OPHN1: variants seen among roughly 807,000 people sequenced by gnomAD.
The protein encoded by OPHN1 is oligophrenin-1.
Under a neutral mutation model 60.7 loss-of-function variants are expected in OPHN1, and 11 were observed. That is an observed-to-expected ratio of 0.18 (90% CI 0.11 to 0.30). OPHN1 has a LOEUF of 0.30. OPHN1 is among the 10% of genes least tolerant of loss of function. OPHN1 has a pLI of 1.00. For missense variants in OPHN1, 449 were observed against 611.0 expected (o/e 0.73, Z 2.80); for synonymous variants, 226 against 222.6 (o/e 1.02, Z -0.14).
chrX:68,141,491 G>C (rs769501461), intron 15 of OPHN1, among the ~76,000 whole-genome samples: 43 of 111,454 alleles, frequency 3.9e-4, no homozygotes, highest in African/African-American at 1.3e-3. Context: ...GTTCACTTAG[G>C]CAGGCCCTTC....
intron 3 of OPHN1, among the ~76,000 whole-genome samples, chrX:68,288,544 C>T (rs767090038): frequency 9.0e-6 from 1 of 111,538 alleles, no homozygotes; most frequent in Non-Finnish European, 1.9e-5. Flanking sequence ...GGATGGATCA[C>T]CTGAGGTCAG....
chrX:68,053,833 G>A, intron 21 of OPHN1, 23 bp from the exon 22 acceptor site: 1 of 1,202,867 alleles, frequency 8.3e-7, no homozygotes, highest in South Asian at 1.8e-5. Flanking sequence ...ATGATACCAG[G>A]AACTTGGATG....
chrX:68,339,788 T>C (rs1173468547), intron 2 of OPHN1, among the ~76,000 whole-genome samples: 2 of 110,524 alleles, frequency 1.8e-5, no homozygotes, highest in Non-Finnish European at 3.8e-5. Context: ...TTTTTAATAG[T>C]GACAGGGTTT....
chrX:68,377,513 G>A (rs2078566406), intron 2 of OPHN1, among the ~76,000 whole-genome samples: 1 of 106,544 alleles, frequency 9.4e-6, no homozygotes, highest in Admixed American at 1.0e-4. Context: ...CATGTGCCAC[G>A]CTGGTGTGCT....
chrX:68,065,436 G>A (rs1369393688), intron 20 of OPHN1, among the ~76,000 whole-genome samples: 2 of 111,946 alleles, frequency 1.8e-5, no homozygotes, highest in African/African-American at 6.5e-5. Context: ...GGGGGAACGG[G>A]TAGGGGTATA....
At chrX:68,290,720 T>C (rs1317832285) in intron 3 of OPHN1, among the ~76,000 whole-genome samples, 1 of 108,985 alleles carries the variant, frequency 9.2e-6, no homozygotes, top group Non-Finnish European at 1.9e-5. Flanking sequence ...AAGGCTGCAG[T>C]GAGCCACAGT....
At position 68,210,799 on chromosome X, in the gene OPHN1, T is replaced by C. The variant is rs758230660; in HGVS notation, c.703-517A>G. Among the ~76,000 whole-genome samples the C allele has an allele frequency of 6.2e-5, 7 of 112,153 alleles. No individual in the cohort carries two copies. The South Asian group carries it at 2.6e-3, about 41-fold the overall frequency. Reference sequence around the variant, plus strand: ...CATACTCACAAATACCAAAACCTAATGATGAGAATAAATCTATTTAAATCT... The same window carrying C: ...CATACTCACAAATACCAAAACCTAACGATGAGAATAAATCTATTTAAATCT... On this transcript the variant is annotated intron_variant, in intron 8 of 24. Transcript: ENST00000355520.
chrX:68,107,379 G>A (rs1369022191), intron 18 of OPHN1, among the ~76,000 whole-genome samples: 1 of 111,485 alleles, frequency 9.0e-6, no homozygotes, highest in East Asian at 2.8e-4. Flanking sequence ...CAAATACTGT[G>A]TGTTTTTCTA....
intron 5 of OPHN1, among the ~76,000 whole-genome samples, chrX:68,258,722 T>C (rs1262932099): frequency 1.8e-5 from 2 of 110,420 alleles, no homozygotes; most frequent in Non-Finnish European, 3.8e-5. Flanking sequence ...CCAGATTGCT[T>C]GAGCAAAGGG....
intron 2 of OPHN1, among the ~76,000 whole-genome samples, chrX:68,305,049 C>T (rs1203019079): frequency 2.7e-5 from 3 of 110,288 alleles, no homozygotes; most frequent in African/African-American, 9.9e-5. Context: ...CTGACCAAAA[C>T]ACTTGGTAAA....
intron 20 of OPHN1, chrX:68,071,031 G>C (rs2076932080): frequency 2.7e-6 from 3 of 1,127,918 alleles, no homozygotes; most frequent in Non-Finnish European, 3.6e-6. Flanking sequence ...CCATGTTGTT[G>C]AGCACCTTAA....
At chrX:68,257,905 A>C (rs1369289220) in intron 5 of OPHN1, among the ~76,000 whole-genome samples, 1 of 110,687 alleles carries the variant, frequency 9.0e-6, no homozygotes, top group Non-Finnish European at 1.9e-5. Flanking sequence ...CTTTGAAGCC[A>C]GCTAATATTA....
At chrX:68,181,936 C>T (rs2077438805) in intron 15 of OPHN1, among the ~76,000 whole-genome samples, 1 of 112,233 alleles carries the variant, frequency 8.9e-6, no homozygotes, top group African/African-American at 3.2e-5. Context: ...GTTCACAAAT[C>T]CTATGTCTAG....
chrX:68,277,031 C>T (rs778621868), intron 4 of OPHN1, among the ~76,000 whole-genome samples: 2 of 111,646 alleles, frequency 1.8e-5, no homozygotes, highest in Admixed American at 9.5e-5. Flanking sequence ...CCAGCTGACC[C>T]GTCTGAATGC....
chrX:68,128,570 C>A (rs1261070672), intron 15 of OPHN1, among the ~76,000 whole-genome samples: 1 of 111,275 alleles, frequency 9.0e-6, no homozygotes, highest in Non-Finnish European at 1.9e-5. Flanking sequence ...ATTACACACA[C>A]AAAAAGACTT....
chrX:68,125,967 A>T (rs2077169898), intron 15 of OPHN1, among the ~76,000 whole-genome samples: 1 of 88,880 alleles, frequency 1.1e-5, no homozygotes, highest in Admixed American at 1.3e-4. Flanking sequence ...ACATACACAC[A>T]CACACACACA....
intron 2 of OPHN1, among the ~76,000 whole-genome samples, chrX:68,315,142 G>A (rs947781362): frequency 1.8e-5 from 2 of 109,805 alleles, no homozygotes; most frequent in Non-Finnish European, 3.8e-5. Flanking sequence ...GAGCCAAGGA[G>A]TTCGAGCCTG....
intron 4 of OPHN1, among the ~76,000 whole-genome samples, chrX:68,280,282 C>T (rs956054746): frequency 7.1e-5 from 8 of 111,889 alleles, no homozygotes; most frequent in African/African-American, 2.6e-4. Context: ...TTATAAAACA[C>T]GTCCATGTTT....
intron 15 of OPHN1, among the ~76,000 whole-genome samples, chrX:68,189,684 G>A (rs1172561713): frequency 5.4e-5 from 6 of 111,365 alleles, no homozygotes. Flanking sequence ...TTAACATAAA[G>A]CATCATACAA....
Sources: allele counts gnomAD v4.1 joint callset (sites outside exome capture counted in the v4.1 genomes callset), GRCh38; gene constraint gnomAD v4.1.1; transcripts MANE v1.5; gene names NCBI Gene and HGNC (gene_info 2026-07-23, HGNC 2026-07-21).